DCDC2: variants seen among roughly 807,000 people sequenced by gnomAD.
DCDC2 encodes doublecortin domain containing 2, also known as doublecortin domain-containing protein 2.
A neutral mutation model predicts 50.2 loss-of-function variants in DCDC2; 40 were observed. That is an observed-to-expected ratio of 0.80 (90% CI 0.62 to 1.04). DCDC2 has a LOEUF of 1.04. Among genes scored for constraint, DCDC2 ranks in the 50% least tolerant of loss-of-function variants. The pLI, the probability that DCDC2 is intolerant of heterozygous loss-of-function variation, is 0.00. For missense variants in DCDC2, 570 were observed against 581.9 expected (o/e 0.98, Z 0.21); for synonymous variants, 234 against 210.6 (o/e 1.11, Z -0.96).
At chr6:24,247,928 T>C (rs1225250883) in intron 7 of DCDC2, among the ~76,000 whole-genome samples, 2 of 152,034 alleles carry the variant, frequency 1.3e-5, no homozygotes, top group Non-Finnish European at 2.9e-5. Context: ...TACAAAAAAT[T>C]AGCTGGGTAT....
chr6:24,178,636 A>G lies in DCDC2; in HGVS notation c.1024-4T>C, dbSNP rs1201161369. ...CGTCTACTATTTCTGCTGGCCTCTG[A>G]TGGATCAAAAGGAATAATGGATAAA... On this transcript the variant is annotated splice_region_variant and splice_polypyrimidine_tract_variant and intron_variant, in intron 8 of 9. Coordinates refer to ENST00000378454, the MANE Select transcript of DCDC2 (RefSeq NM_016356.5). 1.5e-5 allele frequency: 24 copies of G among 1,609,870 alleles called. No homozygotes were observed. Among genetic ancestry groups the G allele is most frequent in the Non-Finnish European group, 2.0e-5 (23 of 1,178,860 alleles).
At chr6:24,278,782 T>C (rs987585244) in intron 6 of DCDC2, among the ~76,000 whole-genome samples, 7 of 152,196 alleles carry the variant, frequency 4.6e-5, no homozygotes, top group African/African-American at 1.4e-4. Context: ...GTTGTCGCTA[T>C]GGGTGTATAG....
the DCDC2 span, among the ~76,000 whole-genome samples, chr6:24,378,956 G>GTTA: frequency 1.5e-5 from 1 of 67,434 alleles, no homozygotes; most frequent in Non-Finnish European, 2.8e-5. Flanking sequence ...GTCTCATTTG[G>GTTA]AAAAAAAAAA....
At chr6:24,185,498 A>G (rs1322082891) in intron 8 of DCDC2, among the ~76,000 whole-genome samples, 1 of 152,132 alleles carries the variant, frequency 6.6e-6, no homozygotes, top group Admixed American at 6.5e-5. Flanking sequence ...TATTACAACG[A>G]CACTACAATT....
chr6:24,211,248 T>A (rs977677768), intron 7 of DCDC2, among the ~76,000 whole-genome samples: 2 of 152,216 alleles, frequency 1.3e-5, no homozygotes, highest in Admixed American at 6.5e-5. Flanking sequence ...ATTCTTCATG[T>A]TCTTACAGGG....
At chr6:24,184,794 A>G (rs1306437725) in intron 8 of DCDC2, among the ~76,000 whole-genome samples, 2 of 152,194 alleles carry the variant, frequency 1.3e-5, no homozygotes, top group Non-Finnish European at 2.9e-5. Context: ...GGATAATTAT[A>G]CATCACTCTC....
Position 24,291,230 on chromosome 6 carries a change from C to T in DCDC2, c.558-152G>A. On this transcript the variant is annotated intron_variant, in intron 4 of 9. Transcript: ENST00000378454. Reference sequence around the variant, plus strand: ...AATTTAGCTCATTTGTTACTATCCTCATTATTGCATTATAGATGCCTCAAA... The same window carrying T: ...AATTTAGCTCATTTGTTACTATCCTTATTATTGCATTATAGATGCCTCAAA... 3 of 734,306 alleles carry T rather than the reference C, an allele frequency of 4.1e-6. No homozygotes were observed. The South Asian group carries it at 5.7e-5, about 14-fold the overall frequency. The allele number at this position is 734,306 out of a possible 1,614,324, so 45.5% of individuals were successfully genotyped here.
At chr6:24,193,726 A>C (rs944104524) in intron 8 of DCDC2, among the ~76,000 whole-genome samples, 12 of 152,160 alleles carry the variant, frequency 7.9e-5, no homozygotes, top group African/African-American at 2.9e-4. Context: ...GAAAGAAAAA[A>C]GAAAGGGAAA....
chr6:24,297,846 T>A (rs188082177), intron 4 of DCDC2, among the ~76,000 whole-genome samples: 65 of 152,268 alleles, frequency 4.3e-4, no homozygotes, highest in African/African-American at 1.5e-3. Context: ...GTAAGGAAGA[T>A]CTAAACAAGT....
intron 8 of DCDC2, among the ~76,000 whole-genome samples, chr6:24,190,023 A>G (rs1271532411): frequency 1.3e-5 from 2 of 151,390 alleles, no homozygotes; most frequent in African/African-American, 4.9e-5. Flanking sequence ...ATTTTTTATG[A>G]TGGCAAAGTA....
At chr6:24,284,802 G>T (rs1763558894) in intron 6 of DCDC2, among the ~76,000 whole-genome samples, 2 of 151,966 alleles carry the variant, frequency 1.3e-5, no homozygotes, top group African/African-American at 4.8e-5. Context: ...TTTAGCAAGG[G>T]CCTGTGTGAC....
At chr6:24,254,289 A>C (rs77978630) in intron 7 of DCDC2, among the ~76,000 whole-genome samples, 5,509 of 152,268 alleles carry the variant, frequency 0.036, 221 homozygotes, top group African/African-American at 0.1. Flanking sequence ...TAACAATAAA[A>C]ATATAGCATA....
the DCDC2 span, among the ~76,000 whole-genome samples, chr6:24,377,658 C>G: frequency 2.0e-5 from 3 of 152,122 alleles, no homozygotes; most frequent in African/African-American, 7.2e-5. Flanking sequence ...CCTTAGTGTC[C>G]TTATCCATAA....
At chr6:24,242,044 G>A (rs796949592) in intron 7 of DCDC2, among the ~76,000 whole-genome samples, 67 of 152,078 alleles carry the variant, frequency 4.4e-4, no homozygotes, top group African/African-American at 1.6e-3. Context: ...CTGTGGTGGT[G>A]CATGCCTGTA....
chr6:24,277,156 C>A (rs764080122), intron 7 of DCDC2, among the ~76,000 whole-genome samples: 1 of 152,144 alleles, frequency 6.6e-6, no homozygotes, highest in Non-Finnish European at 1.5e-5. Flanking sequence ...CTCTTCATAT[C>A]GACTTTGAAA....
At chr6:24,354,991 T>C (rs1361793215) in intron 1 of DCDC2, among the ~76,000 whole-genome samples, 1 of 152,180 alleles carries the variant, frequency 6.6e-6, no homozygotes, top group Non-Finnish European at 1.5e-5. Context: ...CTCAATATCG[T>C]TTGGGCTTTC....
chr6:24,233,891 C>T (rs1484641233), intron 7 of DCDC2, among the ~76,000 whole-genome samples: 2 of 152,128 alleles, frequency 1.3e-5, no homozygotes, highest in East Asian at 1.9e-4. Context: ...TAAGTAAGTT[C>T]ATTCAATGAT....
intron 8 of DCDC2, among the ~76,000 whole-genome samples, chr6:24,179,826 C>T (rs1761022176): frequency 6.6e-6 from 1 of 151,164 alleles, no homozygotes; most frequent in Admixed American, 6.6e-5. Context: ...TGGTGGTGGG[C>T]ACCTGTGGTC....
At chr6:24,185,613 A>G (rs752795582) in intron 8 of DCDC2, among the ~76,000 whole-genome samples, 2 of 152,050 alleles carry the variant, frequency 1.3e-5, no homozygotes, top group Non-Finnish European at 2.9e-5. Flanking sequence ...TTAAATTATT[A>G]AAGATGTTTC....
Sources: gnomAD v4.1 joint callset for allele counts (sites outside exome capture counted in the v4.1 genomes callset) on GRCh38, gnomAD v4.1.1 for gene constraint, MANE v1.5 for transcripts, NCBI Gene and HGNC (gene_info 2026-07-23, HGNC 2026-07-21) for gene names.